Variants in PLXNC1 observed in about 807,000 individuals in gnomAD.
The protein encoded by PLXNC1 is plexin-C1.
A neutral mutation model predicts 178.2 loss-of-function variants in PLXNC1; 75 were observed. The ratio of observed to expected loss-of-function variants is 0.42; its 90% CI spans 0.35 to 0.51. The LOEUF (loss-of-function observed/expected upper bound fraction) is 0.51, where lower values mean the gene tolerates loss of function less well. Ranked by LOEUF, PLXNC1 falls within the 20% of genes least tolerant of loss-of-function variation. PLXNC1 has a pLI of 0.02. For missense variants in PLXNC1, 1,503 were observed against 1,984.4 expected, an observed-to-expected ratio of 0.76 and a Z score of 4.61; for synonymous variants, 790 against 779.9, an observed-to-expected ratio of 1.01 and a Z score of -0.22.
At chr12:94,150,071 T>C in intron 1 of PLXNC1, 38 bp downstream of exon 1, 1 of 1,465,376 alleles carries the variant, frequency 6.8e-7, no homozygotes, top group Admixed American at 2.4e-5. Flanking sequence ...AGAGCGCTGC[T>C]GCCGGGGAGC....
At position 94,149,715 on chromosome 12, in the gene PLXNC1, C is replaced by T. The variant is rs1960872859; in HGVS notation, c.744C>T (p.Tyr248=). The T allele has an allele frequency of 6.2e-7, 1 of 1,612,510 alleles. No individual in the cohort carries two copies. Among genetic ancestry groups the T allele is most frequent in the Non-Finnish European group, 8.5e-7 (1 of 1,179,520 alleles). ...GGAACGGCAGCATCTACTTCCCCTA[C>T]TACCCCTACAACTACACGAGCGGCG... is the stretch of plus-strand genomic sequence containing the variant. ...FLWNGSIYFP[Y]YPYNYTSGAA... is the part of the protein sequence containing the mutation. The change falls in exon 1 of 31, where the codon TAC becomes TAT. Residue 248 remains tyrosine, a synonymous_variant. Coordinates refer to ENST00000258526, the MANE Select transcript of PLXNC1 (RefSeq NM_005761.3).
chr12:94,214,651 A>C lies in PLXNC1; in HGVS notation c.1554+4947A>C, dbSNP rs151164653. 2.8e-4 allele frequency among the ~76,000 whole-genome samples: 42 copies of C among 152,368 alleles called. No homozygotes were observed. The East Asian group carries it at 4.0e-3, about 15-fold the overall frequency. ...AATGTTCAATAAATATTTAAATATCAATAACCTTACTACATGTTAAATAAA... is the reference window on the plus strand; with the variant it reads ...AATGTTCAATAAATATTTAAATATCCATAACCTTACTACATGTTAAATAAA... On this transcript the variant is annotated intron_variant, in intron 5 of 30. Coordinates refer to ENST00000258526, the MANE Select transcript of PLXNC1 (RefSeq NM_005761.3).
intron 26 of PLXNC1, among the ~76,000 whole-genome samples, chr12:94,297,776 T>C (rs1968078184): frequency 6.6e-6 from 1 of 152,184 alleles, no homozygotes; most frequent in Non-Finnish European, 1.5e-5. Flanking sequence ...CCTTTTTGAA[T>C]TGCGAATAAA....
chr12:94,210,912 G>A (rs11830003), intron 5 of PLXNC1, among the ~76,000 whole-genome samples: 4,032 of 152,234 alleles, frequency 0.026, 212 homozygotes, highest in African/African-American at 0.092. Flanking sequence ...CAAATTTGGC[G>A]CTAATAGAGA....
chr12:94,254,966 T>C (rs113131678), intron 16 of PLXNC1, 78 bp downstream of exon 16: 14 of 1,156,950 alleles, frequency 1.2e-5, no homozygotes, highest in African/African-American at 9.2e-5. Context: ...TACATAGAGA[T>C]GGCCACAGTA....
At chr12:94,237,119 T>C (rs1218848814) in intron 9 of PLXNC1, among the ~76,000 whole-genome samples, 2 of 152,226 alleles carry the variant, frequency 1.3e-5, no homozygotes, top group Non-Finnish European at 2.9e-5. Flanking sequence ...ATCCAACTAC[T>C]TGATAGTAGG....
intron 1 of PLXNC1, among the ~76,000 whole-genome samples, chr12:94,156,171 A>G (rs952857009): frequency 6.6e-6 from 1 of 152,212 alleles, no homozygotes; most frequent in African/African-American, 2.4e-5. Flanking sequence ...AATGAATACT[A>G]CTAACTACTT....
At chr12:94,164,645 A>G (rs889731387) in intron 1 of PLXNC1, among the ~76,000 whole-genome samples, 1 of 148,898 alleles carries the variant, frequency 6.7e-6, no homozygotes, top group Non-Finnish European at 1.5e-5. Context: ...TCCTCATGAT[A>G]TGCCCATGAC....
At chr12:94,268,030 G>A (rs1427629472) in intron 21 of PLXNC1, among the ~76,000 whole-genome samples, 1 of 152,176 alleles carries the variant, frequency 6.6e-6, no homozygotes, top group Non-Finnish European at 1.5e-5. Context: ...TTCTTTCAAG[G>A]AAAGGAAAGT....
At chr12:94,216,549 C>A (rs1243199409) in intron 5 of PLXNC1, among the ~76,000 whole-genome samples, 2 of 152,132 alleles carry the variant, frequency 1.3e-5, no homozygotes, top group Non-Finnish European at 2.9e-5. Context: ...ATTAGCACAA[C>A]CTTTTTGGAA....
intron 4 of PLXNC1, among the ~76,000 whole-genome samples, chr12:94,199,299 C>T (rs1963036498): frequency 6.6e-6 from 1 of 152,054 alleles, no homozygotes; most frequent in African/African-American, 2.4e-5. Flanking sequence ...AGCTTGACGT[C>T]TGTGCGGTGA....
intron 2 of PLXNC1, among the ~76,000 whole-genome samples, chr12:94,177,363 A>G (rs552261192): frequency 8.2e-4 from 124 of 150,882 alleles, no homozygotes; most frequent in African/African-American, 2.9e-3. Context: ...GAGGAAACAT[A>G]CTAATTTAAA....
At chr12:94,168,361 A>C (rs1453226874) in intron 1 of PLXNC1, 1 of 152,252 alleles carries the variant, frequency 6.6e-6, no homozygotes, top group Admixed American at 6.5e-5. Context: ...CCTTTTAAAC[A>C]AAAAAGAAAA....
intron 15 of PLXNC1, among the ~76,000 whole-genome samples, chr12:94,254,268 T>G (rs1592815503): frequency 6.6e-6 from 1 of 152,164 alleles, no homozygotes; most frequent in South Asian, 2.1e-4. Context: ...AATATGGAGG[T>G]ATGGGAGTTC....
At chr12:94,181,386 CA>C (rs71703027) in intron 2 of PLXNC1, 59 bp from the exon 3 acceptor site, 179,388 of 938,420 alleles carry the variant, frequency 0.19, 2,038 homozygotes, top group Admixed American at 0.22. Context: ...GATTCCGTCT[CA>C]AAAAAAAAAA....
intron 17 of PLXNC1, among the ~76,000 whole-genome samples, chr12:94,257,221 T>C (rs1167813798): frequency 6.6e-6 from 1 of 151,922 alleles, no homozygotes; most frequent in Non-Finnish European, 1.5e-5. Flanking sequence ...GGCCTGGAGG[T>C]TGGGGGCTGT....
intron 12 of PLXNC1, among the ~76,000 whole-genome samples, chr12:94,246,909 A>G (rs1041121865): frequency 3.3e-5 from 5 of 151,636 alleles, no homozygotes; most frequent in South Asian, 4.2e-4. Context: ...GGGGTGGGGG[A>G]AAAATAGTTT....
rs762339469 is a variant in PLXNC1 at position 94,306,985 on chromosome 12, C to T, written c.*1700C>T. 1 of 152,186 alleles carries T rather than the reference C, an allele frequency of 6.6e-6. No homozygotes were observed. Among genetic ancestry groups the T allele is most frequent in the Non-Finnish European group, 1.5e-5 (1 of 68,036 alleles). The allele number at this position is 152,186 out of a possible 1,614,324, so 9.4% of individuals were successfully genotyped here. On this transcript the variant is annotated 3_prime_UTR_variant, in exon 31 of 31. Coordinates refer to ENST00000258526, the MANE Select transcript of PLXNC1 (RefSeq NM_005761.3). ...CAGTCTTCAAAGAGGTGAAGGAGTT[C>T]ATAAGAGAACAACAGTAGGAAAGTT...
chr12:94,149,258 C>A lies in PLXNC1; in HGVS notation c.287C>A (p.Pro96His). The A allele has an allele frequency of 6.5e-7, 1 of 1,540,276 alleles. No individual in the cohort carries two copies. The highest frequency in any genetic ancestry group is 1.2e-5 in the South Asian group (1 of 83,104). ...ACAGAGCCGGTCTCGCTGGCGCCCC[C>A]CGCGCGGCCCCGGCCCGGGAGCAGC... is the stretch of plus-strand genomic sequence containing the variant. ...NCTEPVSLAPPARPRPGSSFS... is the reference protein window; with the variant it reads ...NCTEPVSLAPHARPRPGSSFS... Residue 96 changes from proline (P) to histidine (H), a missense_variant, in exon 1 of 31, where the codon CCC becomes CAC. Pro to His is a moderately conservative substitution (Grantham distance 77, BLOSUM62 -2). Coordinates refer to ENST00000258526, the MANE Select transcript of PLXNC1 (RefSeq NM_005761.3).
Sources: allele counts gnomAD v4.1 joint callset (sites outside exome capture counted in the v4.1 genomes callset), GRCh38; gene constraint gnomAD v4.1.1; transcripts MANE v1.5; gene names NCBI Gene and HGNC (gene_info 2026-07-23, HGNC 2026-07-21).